Variants in ERVMER34-1 observed in about 807,000 individuals in gnomAD.
ERVMER34-1 encodes the protein endogenous retrovirus group MER34 member 1, envelope.
For missense variants in ERVMER34-1, 471 were observed against 295.1 expected, an observed-to-expected ratio of 1.60 and a Z score of -4.37; for synonymous variants, 199 against 111.7, an observed-to-expected ratio of 1.78 and a Z score of -4.93.
chr4:52,750,960 C>T lies in ERVMER34-1; in HGVS notation c.-454G>A, dbSNP rs1259566254. 2 of 152,268 alleles carry T rather than the reference C, an allele frequency of 1.3e-5. No individual in the cohort carries two copies. The highest frequency in any genetic ancestry group is 2.9e-5 in the Non-Finnish European group (2 of 68,112). The allele number at this position is 152,268 out of a possible 1,614,324, so 9.4% of individuals were successfully genotyped here. A position where few individuals can be genotyped will look rare whatever the true frequency, so the allele number is the denominator to read the frequency against. On this transcript the variant is annotated 5_prime_UTR_variant, in exon 2 of 3. Coordinates refer to ENST00000443173, the MANE Select transcript of ERVMER34-1 (RefSeq NM_001242690.2). ...CTTAAAACTGAGGCTGCCGCACCTC[C>T]GCAGACGTAGACAACGAATTCCTGG...
Position 52,744,557 on chromosome 4 carries a change from G to T in ERVMER34-1, c.964C>A (p.Leu322Ile). The change falls in exon 3 of 3, where the codon CTT becomes ATT. Residue 322 changes from leucine to isoleucine, a missense_variant. Physicochemically the swap from Leu to Ile is conservative, Grantham distance 5. Coordinates refer to ENST00000443173, the MANE Select transcript of ERVMER34-1 (RefSeq NM_001242690.2). ...KWSGRCGLGY[L>I]VPSLTRYLTL... ...AGGTATCTGGTGAGGGAAGGTACAA[G>T]ATACCCAAGTCCACATCGCCCAGAC... 1.4e-6 allele frequency: 1 copy of T among 704,032 alleles called. No homozygotes were observed. The highest frequency in any genetic ancestry group is 2.6e-6 in the Non-Finnish European group (1 of 384,976). 43.6% of individuals were successfully genotyped at this position (704,032 alleles called of 1,614,324 possible).
At chr4:52,748,758 C>T (rs1237662748) in intron 2 of ERVMER34-1, among the ~76,000 whole-genome samples, 1 of 152,172 alleles carries the variant, frequency 6.6e-6, no homozygotes, top group Non-Finnish European at 1.5e-5. Flanking sequence ...TCAGTTTTGA[C>T]AAGCCTTTCC....
chr4:52,750,582 G>T (rs544854413), intron 2 of ERVMER34-1: 5 of 152,248 alleles, frequency 3.3e-5, no homozygotes, highest in African/African-American at 1.2e-4. Context: ...AAACAGACAT[G>T]GCTACCAAAG....
Position 52,745,284 on chromosome 4 carries a change from C to A in ERVMER34-1, c.237G>T (p.Arg79Ser). The A allele has an allele frequency of 1.4e-6, 1 of 703,992 alleles. No individual in the cohort carries two copies. Among genetic ancestry groups the A allele is most frequent in the Non-Finnish European group, 2.6e-6 (1 of 385,000 alleles). 43.6% of individuals were successfully genotyped at this position (703,992 alleles called of 1,614,324 possible). A position where few individuals can be genotyped will look rare whatever the true frequency, so the allele number is the denominator to read the frequency against. The part of the protein sequence containing the change: ...WTYSGQWMYE[R>S]VWYPQAEVQN... ...GTACTTCTGCTTGTGGATACCACAC[C>A]CTTTCATACATCCATTGTCCAGAAT... is the stretch of plus-strand genomic sequence containing the variant. The change falls in exon 3 of 3, where the codon AGG (arginine) becomes AGT (serine). Residue 79 changes from arginine to serine, a missense_variant. Arg to Ser is a moderately radical substitution (Grantham distance 110). Transcript: ENST00000443173.
In ERVMER34-1 at chr4:52,745,394, T is replaced by C. The variant is rs1560437045; in HGVS notation, c.127A>G (p.Asn43Asp). The change falls in exon 3 of 3, where the codon AAT (asparagine) becomes GAT (aspartate). Residue 43 changes from asparagine to aspartate, a missense_variant. Transcript: ENST00000443173. ...TCTAGATGTTCACATAACCAGCAAT[T>C]AGACTGATTAGTCAAGATAGATAGT... The part of the protein sequence containing the change: ...RTLSILTNQS[N>D]CWLCEHLDNA... 1 of 704,052 alleles carries C rather than the reference T, an allele frequency of 1.4e-6. No individual in the cohort carries two copies. Among genetic ancestry groups the C allele is most frequent in the Non-Finnish European group, 2.6e-6 (1 of 385,000 alleles). The allele number at this position is 704,052 out of a possible 1,614,324, so 43.6% of individuals were successfully genotyped here.
Position 52,744,426 on chromosome 4 carries a change from G to T in ERVMER34-1, c.1095C>A (p.Asn365Lys), listed in dbSNP as rs765634286. ...GDTDNPPLYC[N>K]PKDNSTIRAL... The stretch of plus-strand genomic sequence containing the variant: ...CCCTTATTGTTGAATTGTCCTTGGG[G>T]TTGCAATACAGAGGTGGATTGTCTG... Residue 365 changes from asparagine to lysine, a missense_variant, in exon 3 of 3, where the codon AAC (asparagine) becomes AAA (lysine). Coordinates refer to ENST00000443173, the MANE Select transcript of ERVMER34-1 (RefSeq NM_001242690.2). 67 of 703,996 alleles carry T rather than the reference G, an allele frequency of 9.5e-5. No individual in the cohort carries two copies. In the East Asian group the frequency reaches 1.4e-3, roughly 15 times the overall value. The allele number at this position is 703,996 out of a possible 1,614,324, so 43.6% of individuals were successfully genotyped here.
chr4:52,743,952 A>G lies in ERVMER34-1; in HGVS notation c.1569T>C (p.Pro523=). The change falls in exon 3 of 3, where the codon CCT becomes CCC. Residue 523 remains proline, a synonymous_variant. Coordinates refer to ENST00000443173, the MANE Select transcript of ERVMER34-1 (RefSeq NM_001242690.2). ...RKSRRSLNSQ[P]LNLALSPQQS... ...GCTGTGGAGATAAGGCTAGGTTCAG[A>G]GGTTGGGAGTTAAGGGATCTGCGAG... 1 of 1,048,900 alleles carries G rather than the reference A, an allele frequency of 9.5e-7. No homozygotes were observed. The highest frequency in any genetic ancestry group is 2.0e-4 in the Middle Eastern group (1 of 5,038). The allele number at this position is 1,048,900 out of a possible 1,614,324, so 65.0% of individuals were successfully genotyped here. A position where few individuals can be genotyped will look rare whatever the true frequency, so the allele number is the denominator to read the frequency against.
In ERVMER34-1 at chr4:52,744,659, G is replaced by T; in HGVS notation, c.862C>A (p.Leu288Met). The T allele has an allele frequency of 1.4e-6, 1 of 704,168 alleles. No homozygotes were observed. Among genetic ancestry groups the T allele is most frequent in the East Asian group, 2.7e-5 (1 of 37,288 alleles). The allele number at this position is 704,168 out of a possible 1,614,324, so 43.6% of individuals were successfully genotyped here. The part of the protein sequence containing the change: ...TPTWWLTGSN[L>M]TLSVNNSGLF... Reference sequence around the variant, plus strand: ...CCAGAGTTGTTCACAGACAAGGTCAGATTGGAACCTGTGAGCCACCAGGTG... The same window carrying T: ...CCAGAGTTGTTCACAGACAAGGTCATATTGGAACCTGTGAGCCACCAGGTG... Residue 288 changes from leucine to methionine, a missense_variant, in exon 3 of 3, where the codon CTG becomes ATG. By Grantham distance (15) the Leu-to-Met change is conservative (BLOSUM62 2). Transcript: ENST00000443173.
At chr4:52,749,076 G>C (rs1436526222) in intron 2 of ERVMER34-1, among the ~76,000 whole-genome samples, 5 of 152,064 alleles carry the variant, frequency 3.3e-5, no homozygotes, top group African/African-American at 4.8e-5. Context: ...ATGTTGCCCA[G>C]GGTGGTCTCA....
At position 52,742,767 on chromosome 4, in the gene ERVMER34-1, A is replaced by C. The variant is rs1424591962; in HGVS notation, c.*1062T>G. ...CCCCGTCTCTACTAAAAACACAAAA[A>C]ATTAGTCAGGCGTGGTGGCAGGCGC... On this transcript the variant is annotated 3_prime_UTR_variant, in exon 3 of 3. Transcript: ENST00000443173. 6.6e-6 allele frequency: 1 copy of C among 151,954 alleles called. No homozygotes were observed. Among genetic ancestry groups the C allele is most frequent in the African/African-American group, 2.4e-5 (1 of 41,282 alleles). 9.4% of individuals were successfully genotyped at this position (151,954 alleles called of 1,614,324 possible).
rs917444142 is a variant in ERVMER34-1, at chr4:52,743,312, C to T, written c.*517G>A. 6.6e-6 allele frequency: 1 copy of T among 152,266 alleles called. No homozygotes were observed. The highest frequency in any genetic ancestry group is 2.4e-5 in the African/African-American group (1 of 41,442). 9.4% of individuals were successfully genotyped at this position (152,266 alleles called of 1,614,324 possible). A position where few individuals can be genotyped will look rare whatever the true frequency, so the allele number is the denominator to read the frequency against. Reference sequence around the variant, plus strand: ...AGTTTTCAGTCAATTCTGATGACTACCCAATATTTATTCTTTGAGACAAAT... The same window carrying T: ...AGTTTTCAGTCAATTCTGATGACTATCCAATATTTATTCTTTGAGACAAAT... On this transcript the variant is annotated 3_prime_UTR_variant, in exon 3 of 3. Coordinates refer to ENST00000443173, the MANE Select transcript of ERVMER34-1 (RefSeq NM_001242690.2).
intron 2 of ERVMER34-1, among the ~76,000 whole-genome samples, chr4:52,749,395 C>T (rs546027730): frequency 3.3e-5 from 5 of 152,282 alleles, no homozygotes; most frequent in African/African-American, 9.6e-5. Flanking sequence ...ATGCTCTAAA[C>T]CTGTACCTCT....
rs1049250547 is a variant in ERVMER34-1 at position 52,743,689 on chromosome 4, G to A, written c.*140C>T. 1.5e-6 allele frequency: 1 copy of A among 677,188 alleles called. No individual in the cohort carries two copies. The highest frequency in any genetic ancestry group is 2.4e-6 in the Non-Finnish European group (1 of 416,140). The allele number at this position is 677,188 out of a possible 1,614,324, so 41.9% of individuals were successfully genotyped here. A position where few individuals can be genotyped will look rare whatever the true frequency, so the allele number is the denominator to read the frequency against. On this transcript the variant is annotated 3_prime_UTR_variant, in exon 3 of 3. Coordinates refer to ENST00000443173, the MANE Select transcript of ERVMER34-1 (RefSeq NM_001242690.2). ...GATAAGGCTTATTTACAATACCTTGGGAGGTCCTAGTGCTAAGTGCCCTTA... is the reference window on the plus strand; with the variant it reads ...GATAAGGCTTATTTACAATACCTTGAGAGGTCCTAGTGCTAAGTGCCCTTA...
Position 52,742,853 on chromosome 4 carries a change from G to A in ERVMER34-1, c.*976C>T, listed in dbSNP as rs944557673. 6.6e-6 allele frequency: 1 copy of A among 150,680 alleles called. No individual in the cohort carries two copies. The highest frequency in any genetic ancestry group is 1.5e-5 in the Non-Finnish European group (1 of 67,874). The allele number at this position is 150,680 out of a possible 1,614,324, so 9.3% of individuals were successfully genotyped here. A position where few individuals can be genotyped will look rare whatever the true frequency, so the allele number is the denominator to read the frequency against. On this transcript the variant is annotated 3_prime_UTR_variant, in exon 3 of 3. Coordinates refer to ENST00000443173, the MANE Select transcript of ERVMER34-1 (RefSeq NM_001242690.2). ...ATGGCATGAACCCAAGGGGGCAGAG[G>A]TTGCAGTGAGCCGAGATTGAGCCAC...
chr4:52,747,612 A>AGT (rs1423375158), intron 2 of ERVMER34-1, among the ~76,000 whole-genome samples: 4 of 152,204 alleles, frequency 2.6e-5, no homozygotes, highest in Non-Finnish European at 5.9e-5. Context: ...GCGCATGACC[A>AGT]GTGGGACTGG....
chr4:52,748,922 C>A (rs533174081), intron 2 of ERVMER34-1, among the ~76,000 whole-genome samples: 1 of 152,042 alleles, frequency 6.6e-6, no homozygotes, highest in Non-Finnish European at 1.5e-5. Flanking sequence ...GTGGTGCAAG[C>A]ATGGCTCACT....
At chr4:52,750,218 C>G (rs1716252029) in intron 2 of ERVMER34-1, among the ~76,000 whole-genome samples, 1 of 152,046 alleles carries the variant, frequency 6.6e-6, no homozygotes, top group Non-Finnish European at 1.5e-5. Flanking sequence ...AGGTAGGTCT[C>G]GAACTCCTGA....
chr4:52,750,386 A>C (rs1220641436), intron 2 of ERVMER34-1, among the ~76,000 whole-genome samples: 1 of 152,176 alleles, frequency 6.6e-6, no homozygotes, highest in Non-Finnish European at 1.5e-5. Flanking sequence ...ATTTTCCTAC[A>C]TAAATTATTA....
rs1254619268 is a variant in ERVMER34-1 at position 52,742,777 on chromosome 4, G to C, written c.*1052C>G. On this transcript the variant is annotated 3_prime_UTR_variant, in exon 3 of 3. Coordinates refer to ENST00000443173, the MANE Select transcript of ERVMER34-1 (RefSeq NM_001242690.2). Reference sequence around the variant, plus strand: ...ACTAAAAACACAAAAAATTAGTCAGGCGTGGTGGCAGGCGCCTGTAGTCCC... The same window carrying C: ...ACTAAAAACACAAAAAATTAGTCAGCCGTGGTGGCAGGCGCCTGTAGTCCC... 1 of 152,014 alleles carries C rather than the reference G, an allele frequency of 6.6e-6. No homozygotes were observed. Among genetic ancestry groups the C allele is most frequent in the African/African-American group, 2.4e-5 (1 of 41,328 alleles). 9.4% of individuals were successfully genotyped at this position (152,014 alleles called of 1,614,324 possible).
Sources: allele counts gnomAD v4.1 joint callset (sites outside exome capture counted in the v4.1 genomes callset), GRCh38; gene constraint gnomAD v4.1.1; transcripts MANE v1.5; gene names NCBI Gene and HGNC (gene_info 2026-07-23, HGNC 2026-07-21).